The following GABRA4 variants were observed in gnomAD, a reference collection of about 807,000 sequenced individuals.
GABRA4 encodes the protein gamma-aminobutyric acid type A receptor subunit alpha4.
GABRA4 carries 12 observed loss-of-function variants against 49.7 expected under a neutral mutation model. The ratio of observed to expected loss-of-function variants is 0.24; its 90% CI spans 0.15 to 0.39. GABRA4 has a LOEUF of 0.39. Among genes scored for constraint, GABRA4 ranks in the 10% least tolerant of loss-of-function variants. The pLI is 1.00. For synonymous variants in GABRA4, 288 were observed against 240.2 expected (o/e 1.20, Z -1.84); for missense variants, 506 against 686.0 (o/e 0.74, Z 2.93).
chr4:46,932,590 A>C (rs1464408020), intron 8 of GABRA4, among the ~76,000 whole-genome samples: 1 of 152,182 alleles, frequency 6.6e-6, no homozygotes, highest in Admixed American at 6.6e-5. Context: ...AGTCTTTAGA[A>C]TAATTTACTT....
chr4:46,974,821 A>G (rs1723079775), intron 5 of GABRA4, among the ~76,000 whole-genome samples: 5 of 151,920 alleles, frequency 3.3e-5, no homozygotes, highest in Admixed American at 3.3e-4. Flanking sequence ...TAATAATACA[A>G]TAACAAAACC....
Position 46,920,685 on chromosome 4 carries a change from T to A in GABRA4, c.*7540A>T, listed in dbSNP as rs1342267169. 6.6e-6 allele frequency: 1 copy of A among 151,728 alleles called. No individual in the cohort carries two copies. The highest frequency in any genetic ancestry group is 1.9e-4 in the East Asian group (1 of 5,182). The allele number at this position is 151,728 out of a possible 1,614,324, so 9.4% of individuals were successfully genotyped here. On this transcript the variant is annotated 3_prime_UTR_variant, in exon 9 of 9. Coordinates refer to ENST00000264318, the MANE Select transcript of GABRA4 (RefSeq NM_000809.4). ...ACACACACTCACACCAAAATTCCAATGTATTACAGGGAGGTATTTCCAAAT... is the reference window on the plus strand; with the variant it reads ...ACACACACTCACACCAAAATTCCAAAGTATTACAGGGAGGTATTTCCAAAT...
intron 8 of GABRA4, among the ~76,000 whole-genome samples, chr4:46,933,661 G>A (rs1237876227): frequency 6.6e-6 from 1 of 152,108 alleles, no homozygotes; most frequent in Non-Finnish European, 1.5e-5. Flanking sequence ...CGACTCACTG[G>A]GAAGAATATT....
chr4:46,959,218 G>A (rs1313071356), intron 8 of GABRA4, among the ~76,000 whole-genome samples: 1 of 151,830 alleles, frequency 6.6e-6, no homozygotes, highest in Non-Finnish European at 1.5e-5. Context: ...TTGATGACAA[G>A]TGATACTGTA....
At chr4:46,975,574 C>G (rs1392973588) in intron 5 of GABRA4, among the ~76,000 whole-genome samples, 1 of 151,740 alleles carries the variant, frequency 6.6e-6, no homozygotes, top group Non-Finnish European at 1.5e-5. Flanking sequence ...AAATCCTTAC[C>G]TGCTGAGTAT....
At chr4:46,937,598 G>A (rs2109343997) in intron 8 of GABRA4, among the ~76,000 whole-genome samples, 1 of 152,264 alleles carries the variant, frequency 6.6e-6, no homozygotes, top group African/African-American at 2.4e-5. Flanking sequence ...ATGCAGAAAA[G>A]CTAAAATACT....
chr4:46,955,562 A>G (rs1368487924), intron 8 of GABRA4, among the ~76,000 whole-genome samples: 1 of 151,984 alleles, frequency 6.6e-6, no homozygotes, highest in African/African-American at 2.4e-5. Context: ...CCTCTCCTTC[A>G]CAGCATTTTT....
In GABRA4 at chr4:46,919,013, A is replaced by G. The variant is rs1167061839; in HGVS notation, c.*9212T>C. The G allele has an allele frequency of 6.6e-6, 1 of 151,680 alleles. No individual in the cohort carries two copies. Among genetic ancestry groups the G allele is most frequent in the Non-Finnish European group, 1.5e-5 (1 of 67,632 alleles). The allele number at this position is 151,680 out of a possible 1,614,324, so 9.4% of individuals were successfully genotyped here. ...AGTTTAGCTCCAACACATTTATCTT[A>G]AAATATAAGTATCTGTGATTAAATT... On this transcript the variant is annotated 3_prime_UTR_variant, in exon 9 of 9. Transcript: ENST00000264318.
chr4:46,946,576 T>C (rs983298466), intron 8 of GABRA4, among the ~76,000 whole-genome samples: 2 of 152,114 alleles, frequency 1.3e-5, no homozygotes, highest in African/African-American at 4.8e-5. Context: ...AGTCAGTGCT[T>C]GCTAAATTAT....
At chr4:46,951,065 G>A (rs1026902601) in intron 8 of GABRA4, among the ~76,000 whole-genome samples, 1 of 151,942 alleles carries the variant, frequency 6.6e-6, no homozygotes, top group African/African-American at 2.4e-5. Flanking sequence ...CTAAGGCTCA[G>A]AGGAAAAGCC....
At chr4:46,931,743 A>ACAC (rs1178095825) in intron 8 of GABRA4, among the ~76,000 whole-genome samples, 1 of 152,150 alleles carries the variant, frequency 6.6e-6, no homozygotes, top group Non-Finnish European at 1.5e-5. Context: ...GGAAACACTG[A>ACAC]CACCACCACC....
At chr4:46,956,945 G>T (rs764200626) in intron 8 of GABRA4, among the ~76,000 whole-genome samples, 13 of 151,896 alleles carry the variant, frequency 8.6e-5, no homozygotes, top group Non-Finnish European at 8.8e-5. Flanking sequence ...TTGCCATAGC[G>T]CTAAATAAGT....
At chr4:46,974,408 A>G (rs1723063831) in intron 5 of GABRA4, 33 bp from the exon 6 acceptor site, 2 of 1,584,060 alleles carry the variant, frequency 1.3e-6, no homozygotes, top group Non-Finnish European at 1.7e-6. Flanking sequence ...GTTAGAGTCA[A>G]TGCTCCTTTT....
At chr4:46,941,547 T>C (rs760847360) in intron 8 of GABRA4, among the ~76,000 whole-genome samples, 26 of 152,168 alleles carry the variant, frequency 1.7e-4, no homozygotes, top group Admixed American at 2.6e-4. Context: ...TTTAATATTC[T>C]AACTCAGATC....
At position 46,924,852 on chromosome 4, in the gene GABRA4, T is replaced by A. The variant is rs1478465279; in HGVS notation, c.*3373A>T. ...AACTGAAAAGCTCTTAGATATTACA[T>A]AATCCACCTCCTCCCTGTTATAAAT... is the stretch of plus-strand genomic sequence containing the variant. On this transcript the variant is annotated 3_prime_UTR_variant, in exon 9 of 9. Coordinates refer to ENST00000264318, the MANE Select transcript of GABRA4 (RefSeq NM_000809.4). 6.6e-6 allele frequency: 1 copy of A among 152,120 alleles called. No homozygotes were observed. Among genetic ancestry groups the A allele is most frequent in the South Asian group, 2.1e-4 (1 of 4,824 alleles). The allele number at this position is 152,120 out of a possible 1,614,324, so 9.4% of individuals were successfully genotyped here.
intron 8 of GABRA4, among the ~76,000 whole-genome samples, chr4:46,950,757 G>T (rs1722146886): frequency 1.4e-5 from 1 of 71,294 alleles, no homozygotes; most frequent in African/African-American, 4.7e-5. Context: ...ATTACTATAT[G>T]CTTGTCCAGC....
Position 46,925,155 on chromosome 4 carries a change from CT to C in GABRA4, c.*3069del, listed in dbSNP as rs1721173150. ...TAAGGTGAGATTATTGAAAAATGAC[CT>C]TTCAAAGTTCTTTCCAACCCTGTGA... is the stretch of plus-strand genomic sequence containing the variant. On this transcript the variant is annotated 3_prime_UTR_variant, in exon 9 of 9. Transcript: ENST00000264318. 6.6e-6 allele frequency: 1 copy of C among 151,818 alleles called. No individual in the cohort carries two copies. The highest frequency in any genetic ancestry group is 1.5e-5 in the Non-Finnish European group (1 of 67,842). 9.4% of individuals were successfully genotyped at this position (151,818 alleles called of 1,614,324 possible).
At chr4:46,962,294 A>G (rs181278523) in intron 8 of GABRA4, among the ~76,000 whole-genome samples, 27 of 151,992 alleles carry the variant, frequency 1.8e-4, no homozygotes, top group Admixed American at 5.9e-4. Flanking sequence ...AAAAATCAGT[A>G]GCATTTTTGT....
At chr4:46,936,150 G>C (rs1577746809) in intron 8 of GABRA4, among the ~76,000 whole-genome samples, 2 of 152,140 alleles carry the variant, frequency 1.3e-5, no homozygotes, top group African/African-American at 4.8e-5. Flanking sequence ...TGCCATGTAG[G>C]AAAGACTACA....
Sources: allele counts gnomAD v4.1 joint callset (sites outside exome capture counted in the v4.1 genomes callset), GRCh38; gene constraint gnomAD v4.1.1; transcripts MANE v1.5; gene names NCBI Gene and HGNC (gene_info 2026-07-23, HGNC 2026-07-21).